RBFOX1: variants seen among roughly 807,000 people sequenced by gnomAD.
RBFOX1 encodes RNA binding fox-1 homolog 1.
Under a neutral mutation model 57.7 loss-of-function variants are expected in RBFOX1, and 8 were observed. That is an observed-to-expected ratio of 0.14 (90% CI 0.08 to 0.25). The LOEUF (loss-of-function observed/expected upper bound fraction) is 0.25. RBFOX1 is among the 10% of genes least tolerant of loss of function. The pLI is 1.00. For missense variants in RBFOX1, 611 were observed against 548.5 expected (o/e 1.11, Z -1.14); for synonymous variants, 326 against 222.4 (o/e 1.47, Z -4.15).
At chr16:5,766,520 G>C (rs887078553) in intron 3 of RBFOX1, among the ~76,000 whole-genome samples, 1 of 152,140 alleles carries the variant, frequency 6.6e-6, no homozygotes, top group South Asian at 2.1e-4. Context: ...GGGAGGCAGA[G>C]GTTGCAGTGA....
At chr16:6,211,185 C>CCATGAGACAGAGTGTTTTCTTA (rs1426493154) in intron 1 of RBFOX1, among the ~76,000 whole-genome samples, 25,958 of 121,996 alleles carry the variant, frequency 0.21, 3,544 homozygotes, top group East Asian at 0.3. Flanking sequence ...GTGTTTTCTT[C>CCATGAGACAGAGTGTTTTCTTA]TTCTTTTTTT....
intron 14 of RBFOX1, among the ~76,000 whole-genome samples, chr16:7,704,740 G>C (rs1303007543): frequency 1.3e-5 from 2 of 152,138 alleles, no homozygotes; most frequent in African/African-American, 4.8e-5. Context: ...GATGAAGTTG[G>C]AAAGTGCCCT....
intron 1 of RBFOX1, among the ~76,000 whole-genome samples, chr16:6,211,336 C>G (rs777905382): frequency 6.6e-6 from 1 of 150,754 alleles, no homozygotes; most frequent in Non-Finnish European, 1.5e-5. Flanking sequence ...TCATGCCATT[C>G]TTCTACCTCA....
chr16:5,269,046 C>T (rs2062934788), intron 1 of RBFOX1, among the ~76,000 whole-genome samples: 1 of 152,200 alleles, frequency 6.6e-6, no homozygotes, highest in Non-Finnish European at 1.5e-5. Context: ...TCCCGCGTAG[C>T]TGGGATTATA....
intron 4 of RBFOX1, among the ~76,000 whole-genome samples, chr16:7,330,220 A>T (rs1287835723): frequency 6.6e-6 from 1 of 151,972 alleles, no homozygotes; most frequent in African/African-American, 2.4e-5. Flanking sequence ...ATGGCCTAGG[A>T]TTTGCATATA....
At position 5,810,992 on chromosome 16, in the gene RBFOX1, C is replaced by G. The variant is rs141307619; in HGVS notation, c.319-56311C>G. ...GTCAGGATAATGAAAATATCCATCA[C>G]TCCAATGGGTTTGTTTGTGTACCTT... On this transcript the variant is annotated intron_variant, in intron 3 of 19. Coordinates refer to the RBFOX1 transcript ENST00000641259. Among the ~76,000 whole-genome samples, 1,013 of 152,220 alleles carry G rather than the reference C, an allele frequency of 6.7e-3. 36 individuals carry two copies. The highest frequency in any genetic ancestry group is 0.062 in the Admixed American group (953 of 15,294).
intron 4 of RBFOX1, among the ~76,000 whole-genome samples, chr16:7,166,265 C>T (rs909240922): frequency 2.1e-5 from 3 of 141,618 alleles, no homozygotes; most frequent in African/African-American, 2.4e-5. Flanking sequence ...CCACCCTTGT[C>T]GGACTTCCCA....
chr16:6,878,710 A>C (rs923462287), intron 3 of RBFOX1, among the ~76,000 whole-genome samples: 6 of 152,224 alleles, frequency 3.9e-5, no homozygotes, highest in Non-Finnish European at 7.3e-5. Context: ...ACAGAAATTC[A>C]GCAAGGGCAA....
chr16:7,084,999 C>A (rs916030885), intron 4 of RBFOX1, among the ~76,000 whole-genome samples: 11 of 152,152 alleles, frequency 7.2e-5, no homozygotes, highest in African/African-American at 2.4e-4. Flanking sequence ...TCCATCCATG[C>A]ATCCCACTAA....
intron 4 of RBFOX1, among the ~76,000 whole-genome samples, chr16:7,250,920 T>C (rs2094477596): frequency 6.6e-6 from 1 of 152,232 alleles, no homozygotes; most frequent in African/African-American, 2.4e-5. Context: ...ACATTTATCA[T>C]GTACAACATG....
intron 3 of RBFOX1, among the ~76,000 whole-genome samples, chr16:6,949,432 G>T (rs985510580): frequency 6.6e-6 from 1 of 152,168 alleles, no homozygotes; most frequent in African/African-American, 2.4e-5. Flanking sequence ...AATACCACAG[G>T]CTGGGTTGCG....
At chr16:5,588,750 T>A (rs1162484463) in intron 2 of RBFOX1, among the ~76,000 whole-genome samples, 1 of 152,018 alleles carries the variant, frequency 6.6e-6, no homozygotes, top group Non-Finnish European at 1.5e-5. Context: ...TGACTGAGGG[T>A]CGGGGGGAAA....
intron 2 of RBFOX1, among the ~76,000 whole-genome samples, chr16:6,570,716 G>A (rs1012712951): frequency 6.6e-6 from 1 of 152,136 alleles, no homozygotes; most frequent in African/African-American, 2.4e-5. Flanking sequence ...TCCTACTCAG[G>A]AAAAGTTATA....
chr16:7,565,548 T>C (rs2091472077), intron 5 of RBFOX1, among the ~76,000 whole-genome samples: 1 of 152,190 alleles, frequency 6.6e-6, no homozygotes, highest in African/African-American at 2.4e-5. Flanking sequence ...CGCCCAGCAT[T>C]ACTGGCTAAA....
intron 3 of RBFOX1, among the ~76,000 whole-genome samples, chr16:7,001,579 C>T (rs1386496660): frequency 6.6e-6 from 1 of 152,086 alleles, no homozygotes; most frequent in Non-Finnish European, 1.5e-5. Flanking sequence ...ACATCAGCCT[C>T]CCGAGTAGCT....
At chr16:5,916,906 C>A (rs994247328) in intron 4 of RBFOX1, among the ~76,000 whole-genome samples, 48 of 152,146 alleles carry the variant, frequency 3.2e-4, no homozygotes, top group Admixed American at 3.0e-3. Flanking sequence ...GTGACTCCTG[C>A]CTCAGGACTG....
intron 4 of RBFOX1, among the ~76,000 whole-genome samples, chr16:7,395,013 T>C (rs1278744493): frequency 1.3e-5 from 2 of 152,110 alleles, no homozygotes; most frequent in Non-Finnish European, 2.9e-5. Flanking sequence ...TGGGCTGTGG[T>C]TGTGTGTTTG....
chr16:5,870,932 G>T (rs1882550379), intron 4 of RBFOX1, among the ~76,000 whole-genome samples: 1 of 152,108 alleles, frequency 6.6e-6, no homozygotes, highest in Non-Finnish European at 1.5e-5. Flanking sequence ...ACCTGTGGAG[G>T]AGATATTGGT....
At chr16:5,538,259 G>T (rs945258649) in intron 2 of RBFOX1, among the ~76,000 whole-genome samples, 1 of 152,192 alleles carries the variant, frequency 6.6e-6, no homozygotes, top group East Asian at 1.9e-4. Context: ...TATTGAAAAA[G>T]TCAATAAGCC....
Sources: gnomAD v4.1 joint callset for allele counts (sites outside exome capture counted in the v4.1 genomes callset) on GRCh38, gnomAD v4.1.1 for gene constraint, MANE v1.5 for transcripts, NCBI Gene and HGNC (gene_info 2026-07-23, HGNC 2026-07-21) for gene names.